The following PLCG2 variants were observed in gnomAD, a reference collection of about 807,000 sequenced individuals.
The protein encoded by PLCG2 is phospholipase C gamma 2.
In PLCG2, 69 loss-of-function variants were observed where a neutral mutation model predicts 175.6. The ratio of observed to expected loss-of-function variants is 0.39; its 90% CI spans 0.32 to 0.48. PLCG2 has a LOEUF of 0.48. PLCG2 is among the 20% of genes least tolerant of loss of function. The pLI, the probability that PLCG2 is intolerant of heterozygous loss-of-function variation, is 0.91. For missense variants in PLCG2, 1,798 were observed against 1,650.9 expected, an observed-to-expected ratio of 1.09 and a Z score of -1.54; for synonymous variants, 827 against 624.0, an observed-to-expected ratio of 1.33 and a Z score of -4.85.
At chr16:81,774,377 G>C (rs971081973), upstream of PLCG2, among the ~76,000 whole-genome samples, 1 of 151,712 alleles carries the variant, frequency 6.6e-6, no homozygotes, top group Non-Finnish European at 1.5e-5. Flanking sequence ...TTAAACCGGG[G>C]GCTCCACCAA....
chr16:81,785,078 G>C (rs1049734880), intron 1 of PLCG2, among the ~76,000 whole-genome samples: 10 of 152,132 alleles, frequency 6.6e-5, no homozygotes, highest in African/African-American at 2.4e-4. Context: ...GATTAGAATA[G>C]TTCAAGTATG....
At chr16:81,916,532 A>T (rs183320588) in intron 19 of PLCG2, among the ~76,000 whole-genome samples, 2 of 152,174 alleles carry the variant, frequency 1.3e-5, no homozygotes, top group Non-Finnish European at 2.9e-5. Context: ...ATATGTATAC[A>T]TGGTGAAATG....
At position 81,859,421 on chromosome 16, in the gene PLCG2, A is replaced by G. The variant is rs567357131; in HGVS notation, c.479+258A>G. ...ATGGGGCATTTGGACCTCATCACAA[A>G]TATTTGAGCACCTTTAAAGTCCTGG... On this transcript the variant is annotated intron_variant, in intron 5 of 32. Transcript: ENST00000564138. Among the ~76,000 whole-genome samples the G allele has an allele frequency of 1.1e-4, 17 of 152,376 alleles. No homozygotes were observed. The South Asian group carries it at 3.5e-3, about 32-fold the overall frequency.
intron 17 of PLCG2, among the ~76,000 whole-genome samples, chr16:81,909,418 G>T (rs1014955850): frequency 1.3e-5 from 2 of 152,050 alleles, no homozygotes; most frequent in African/African-American, 4.8e-5. Flanking sequence ...TTATAATTCT[G>T]TCACTTAAAA....
chr16:81,768,738 T>G (rs1910209545), intron 2 of PLCG2, among the ~76,000 whole-genome samples: 1 of 151,978 alleles, frequency 6.6e-6, no homozygotes. Flanking sequence ...GGAAATTTTT[T>G]GTATTTTTAG....
intron 2 of PLCG2, among the ~76,000 whole-genome samples, chr16:81,758,449 C>G (rs1416767877): frequency 6.6e-6 from 1 of 152,156 alleles, no homozygotes; most frequent in African/African-American, 2.4e-5. Flanking sequence ...ATAAATAATG[C>G]TGCTGTTAAC....
In PLCG2 at chr16:81,934,538, T is replaced by A. The variant is rs752951073; in HGVS notation, c.2842+7T>A. 20 of 1,555,946 alleles carry A rather than the reference T, an allele frequency of 1.3e-5. No homozygotes were observed. The South Asian group carries it at 1.8e-4, about 14-fold the overall frequency. On this transcript the variant is annotated splice_region_variant and intron_variant, in intron 26 of 32. Coordinates refer to ENST00000564138, the MANE Select transcript of PLCG2 (RefSeq NM_002661.5). Reference sequence around the variant, plus strand: ...AAAACCAAGGACAACTTAGGTAACATCTTTCCCAAGAACATGCCCTATAAC... The same window carrying A: ...AAAACCAAGGACAACTTAGGTAACAACTTTCCCAAGAACATGCCCTATAAC...
chr16:81,776,324 T>C (rs1279874810), upstream of PLCG2, among the ~76,000 whole-genome samples: 1 of 151,660 alleles, frequency 6.6e-6, no homozygotes, highest in Non-Finnish European at 1.5e-5. Context: ...TTAAGCAGGA[T>C]GGTCTTGATC....
At chr16:81,825,908 A>C (rs1299799351) in intron 2 of PLCG2, among the ~76,000 whole-genome samples, 3 of 152,198 alleles carry the variant, frequency 2.0e-5, no homozygotes, top group Non-Finnish European at 4.4e-5. Flanking sequence ...TGTTAGGTGG[A>C]TCGTAGAGAA....
At chr16:81,807,972 A>G (rs917517517) in intron 2 of PLCG2, among the ~76,000 whole-genome samples, 1 of 152,296 alleles carries the variant, frequency 6.6e-6, no homozygotes, top group East Asian at 1.9e-4. Flanking sequence ...TGATCCAGTC[A>G]CCTTCCACCA....
At chr16:81,802,143 C>A (rs1444828950) in intron 2 of PLCG2, among the ~76,000 whole-genome samples, 1 of 82,008 alleles carries the variant, frequency 1.2e-5, no homozygotes, top group Non-Finnish European at 2.3e-5. Flanking sequence ...AGACGGATCT[C>A]GCTCTTTCGC....
At chr16:81,874,253 A>G (rs998961461) in intron 7 of PLCG2, among the ~76,000 whole-genome samples, 1 of 152,196 alleles carries the variant, frequency 6.6e-6, no homozygotes, top group African/African-American at 2.4e-5. Flanking sequence ...TCGCCATGGA[A>G]CGGTCCACTT....
chr16:81,826,979 C>T (rs1905073577), intron 2 of PLCG2, among the ~76,000 whole-genome samples: 1 of 152,226 alleles, frequency 6.6e-6, no homozygotes, highest in Non-Finnish European at 1.5e-5. Flanking sequence ...AGATAGGACA[C>T]TTGATCCTGG....
intron 5 of PLCG2, among the ~76,000 whole-genome samples, chr16:81,867,590 C>G (rs187918517): frequency 6.6e-6 from 1 of 152,234 alleles, no homozygotes; most frequent in Non-Finnish European, 1.5e-5. Context: ...CCACCTAGAA[C>G]AACACCTGTC....
intron 31 of PLCG2, among the ~76,000 whole-genome samples, chr16:81,953,868 T>C (rs943119378): frequency 3.9e-5 from 6 of 152,184 alleles, no homozygotes; most frequent in African/African-American, 1.2e-4. Flanking sequence ...GTTGCAGTTA[T>C]AGAAGCATTC....
intron 7 of PLCG2, among the ~76,000 whole-genome samples, chr16:81,879,370 C>T (rs1907969201): frequency 6.6e-6 from 1 of 152,202 alleles, no homozygotes; most frequent in Non-Finnish European, 1.5e-5. Flanking sequence ...CTGTAAATTA[C>T]ACATCAACGA....
intron 1 of PLCG2, among the ~76,000 whole-genome samples, chr16:81,780,807 A>G (rs1358050108): frequency 6.6e-6 from 1 of 152,184 alleles, no homozygotes; most frequent in Non-Finnish European, 1.5e-5. Context: ...TGGGCTGATC[A>G]CTTGAGGTCA....
chr16:81,926,026 C>A (rs1168584512), intron 22 of PLCG2, among the ~76,000 whole-genome samples: 2 of 152,138 alleles, frequency 1.3e-5, no homozygotes, highest in Non-Finnish European at 2.9e-5. Flanking sequence ...GAGTGCTCAG[C>A]CTAGGGGGCA....
chr16:81,855,751 C>T (rs1262912776), intron 3 of PLCG2, among the ~76,000 whole-genome samples: 1 of 152,074 alleles, frequency 6.6e-6, no homozygotes, highest in Non-Finnish European at 1.5e-5. Flanking sequence ...GGTTTTGAGG[C>T]TTCAGTAGGA....
Sources: allele counts gnomAD v4.1 joint callset (sites outside exome capture counted in the v4.1 genomes callset), GRCh38; gene constraint gnomAD v4.1.1; transcripts MANE v1.5; gene names NCBI Gene and HGNC (gene_info 2026-07-23, HGNC 2026-07-21).